SIL1: variants seen among roughly 807,000 people sequenced by gnomAD.
The protein encoded by SIL1 is SIL1 nucleotide exchange factor, also known as nucleotide exchange factor SIL1.
A neutral mutation model predicts 49.1 loss-of-function variants in SIL1; 40 were observed. That is an observed-to-expected ratio of 0.81 (90% CI 0.63 to 1.06). The LOEUF is 1.06. Ranked by LOEUF, SIL1 falls within the 50% of genes least tolerant of loss-of-function variation. SIL1 has a pLI of 0.00. For missense variants in SIL1, 500 were observed against 572.6 expected, an observed-to-expected ratio of 0.87 and a Z score of 1.29; for synonymous variants, 253 against 250.8, an observed-to-expected ratio of 1.01 and a Z score of -0.08.
intron 1 of SIL1, among the ~76,000 whole-genome samples, chr5:139,170,830 T>G (rs1216180341): frequency 1.6e-5 from 2 of 121,666 alleles, no homozygotes; most frequent in East Asian, 2.6e-4. Context: ...GGTGGGGGGG[T>G]CAGCCCCCCG....
chr5:138,947,616 T>C lies in SIL1; in HGVS notation c.1030-143A>G, dbSNP rs1010344698. 2 of 693,758 alleles carry C rather than the reference T, an allele frequency of 2.9e-6. No individual in the cohort carries two copies. Among genetic ancestry groups the C allele is most frequent in the African/African-American group, 3.5e-5 (2 of 57,184 alleles). 43.0% of individuals were successfully genotyped at this position (693,758 alleles called of 1,614,324 possible). ...CCCTGAGGGCCCACCTCTTCCTCTA[T>C]CCCCAAGTCTGTCTGTCTATTCATT... On this transcript the variant is annotated intron_variant, in intron 9 of 9. Coordinates refer to ENST00000394817, the MANE Select transcript of SIL1 (RefSeq NM_022464.5). This position sits in a 1 kb window ranked among gnomAD's most constrained non-coding sequence, Gnocchi z 4.1.
At chr5:139,168,138 C>A (rs1386877214) in intron 1 of SIL1, among the ~76,000 whole-genome samples, 1 of 152,164 alleles carries the variant, frequency 6.6e-6, no homozygotes, top group Admixed American at 6.5e-5. Flanking sequence ...AGAGGCTATA[C>A]AATAAAGCTT....
intron 3 of SIL1, among the ~76,000 whole-genome samples, chr5:139,060,373 A>G (rs1769559055): frequency 6.6e-6 from 1 of 152,178 alleles, no homozygotes; most frequent in Admixed American, 6.5e-5. Context: ...AAAGTGCCCA[A>G]TATAAATAAC....
intron 3 of SIL1, among the ~76,000 whole-genome samples, chr5:139,055,819 C>G (rs1036011127): frequency 9.3e-5 from 14 of 150,150 alleles, no homozygotes; most frequent in African/African-American, 3.4e-4. Context: ...TGCAGGCACG[C>G]GCCGCCACGC....
At chr5:139,197,739 C>A (rs1415982764) in intron 1 of SIL1, among the ~76,000 whole-genome samples, 1 of 152,164 alleles carries the variant, frequency 6.6e-6, no homozygotes, top group African/African-American at 2.4e-5. Flanking sequence ...ACCATCTTAT[C>A]GGAAATCCCA....
chr5:139,019,789 T>A (rs2150427029), intron 7 of SIL1, among the ~76,000 whole-genome samples: 1 of 152,300 alleles, frequency 6.6e-6, no homozygotes, highest in Admixed American at 6.5e-5. Flanking sequence ...TTGTTCATAT[T>A]AAAGGTAGAA....
chr5:139,058,715 A>C (rs959153180), intron 3 of SIL1, among the ~76,000 whole-genome samples: 7 of 152,024 alleles, frequency 4.6e-5, no homozygotes, highest in African/African-American at 1.7e-4. Flanking sequence ...CCTCCCCACC[A>C]TCATTTTCTT....
At chr5:139,130,266 A>G (rs952158418) in intron 1 of SIL1, among the ~76,000 whole-genome samples, 1 of 152,164 alleles carries the variant, frequency 6.6e-6, no homozygotes, top group Non-Finnish European at 1.5e-5. Flanking sequence ...CCTGGGCAAC[A>G]GAGTGAGATT....
At chr5:139,105,205 AG>A (rs141960997) in intron 3 of SIL1, among the ~76,000 whole-genome samples, 1 of 152,068 alleles carries the variant, frequency 6.6e-6, no homozygotes, top group East Asian at 1.9e-4. Context: ...GGTGGGGAAG[AG>A]GGGGGCGATA....
At chr5:138,981,395 G>C (rs1055831920) in intron 7 of SIL1, among the ~76,000 whole-genome samples, 2 of 152,060 alleles carry the variant, frequency 1.3e-5, no homozygotes, top group African/African-American at 4.8e-5. Flanking sequence ...GTGAATGCAG[G>C]ACTCCACTGG....
intron 1 of SIL1, among the ~76,000 whole-genome samples, chr5:139,180,921 C>T (rs985388046): frequency 6.6e-6 from 1 of 152,094 alleles, no homozygotes; most frequent in African/African-American, 2.4e-5. Flanking sequence ...CAACTCCATA[C>T]CTGAGTCACC....
chr5:139,171,269 G>T (rs1336375447), intron 1 of SIL1, among the ~76,000 whole-genome samples: 1 of 152,214 alleles, frequency 6.6e-6, no homozygotes, highest in Admixed American at 6.5e-5. Flanking sequence ...GGGGGGAAAG[G>T]TGGGGAAAAG....
chr5:139,068,551 A>G (rs1010640685), intron 3 of SIL1, among the ~76,000 whole-genome samples: 3 of 152,042 alleles, frequency 2.0e-5, no homozygotes, highest in Non-Finnish European at 4.4e-5. Flanking sequence ...CTGGAGGAGT[A>G]AAACAGAGCC....
At chr5:138,955,163 C>T (rs1561803385) in intron 7 of SIL1, among the ~76,000 whole-genome samples, 1 of 152,134 alleles carries the variant, frequency 6.6e-6, no homozygotes, top group African/African-American at 2.4e-5. Context: ...GTTAAGGGGG[C>T]GGGGGCCTGG....
At chr5:139,122,257 G>A (rs1750656398) in intron 2 of SIL1, among the ~76,000 whole-genome samples, 1 of 152,164 alleles carries the variant, frequency 6.6e-6, no homozygotes. Context: ...ACTGGGAGAT[G>A]TTATATGCAT....
At chr5:139,164,062 T>C (rs1275399651) in intron 1 of SIL1, among the ~76,000 whole-genome samples, 1 of 132,912 alleles carries the variant, frequency 7.5e-6, no homozygotes, top group Non-Finnish European at 1.5e-5. Context: ...GAGGTTGCAG[T>C]AAGACAAGAT....
At chr5:138,974,637 T>C (rs1767355543) in intron 7 of SIL1, among the ~76,000 whole-genome samples, 1 of 152,118 alleles carries the variant, frequency 6.6e-6, no homozygotes, top group Non-Finnish European at 1.5e-5. Flanking sequence ...GAACATTCGG[T>C]ATGGAAAGTA....
In SIL1 at chr5:139,021,261, C is replaced by G; in HGVS notation, c.677G>C (p.Gly226Ala). Reference protein sequence around the residue: ...MDNAQDLLSFGGLQVVINGLN... With the variant: ...MDNAQDLLSFAGLQVVINGLN... ...CCCATTGATCACCACTTGAAGACCA[C>G]CAAAGGAAAGCAGGTCCTGCGCATT... Residue 226 changes from glycine (G) to alanine (A), a missense_variant, in exon 7 of 10, where the codon GGT becomes GCT. By Grantham distance (60) the Gly-to-Ala change is moderately conservative (BLOSUM62 0). Transcript: ENST00000394817. 6.2e-7 allele frequency: 1 copy of G among 1,614,156 alleles called. No homozygotes were observed. The highest frequency in any genetic ancestry group is 8.5e-7 in the Non-Finnish European group (1 of 1,180,034).
At chr5:139,034,380 TTTTTTGTTTCCTCCAG>T (rs1768857887) in intron 5 of SIL1, 1 of 152,126 alleles carries the variant, frequency 6.6e-6, no homozygotes, top group Admixed American at 6.5e-5. Context: ...TTTATTTATT[TTTTTTGTTTCCTCCAG>T]TTTTTGTTCC....
Sources: allele counts gnomAD v4.1 joint callset (sites outside exome capture counted in the v4.1 genomes callset), GRCh38; gene constraint gnomAD v4.1.1; non-coding constraint Gnocchi (gnomAD v3.1); transcripts MANE v1.5; gene names NCBI Gene and HGNC (gene_info 2026-07-23, HGNC 2026-07-21).